Variants in DIP2C observed in about 807,000 individuals in gnomAD.
DIP2C encodes the protein disco-interacting protein 2 homolog C.
A neutral mutation model predicts 192.4 loss-of-function variants in DIP2C; 33 were observed. The observed-to-expected ratio is 0.17, with a 90% CI of 0.13 to 0.23. The LOEUF (loss-of-function observed/expected upper bound fraction) is 0.23, where lower values mean the gene tolerates loss of function less well. DIP2C is among the 10% of genes least tolerant of loss of function. The pLI, the probability that DIP2C is intolerant of heterozygous loss-of-function variation, is 1.00. For missense variants in DIP2C, 1,537 were observed against 2,110.1 expected, an observed-to-expected ratio of 0.73 and a Z score of 5.32; for synonymous variants, 979 against 864.1, an observed-to-expected ratio of 1.13 and a Z score of -2.33.
At chr10:582,716 GCCCTTGTGAGA>G (rs1021907810) in intron 1 of DIP2C, among the ~76,000 whole-genome samples, 2 of 152,192 alleles carry the variant, frequency 1.3e-5, no homozygotes, top group African/African-American at 4.8e-5. Context: ...AAGTGTTCAC[GCCCTTGTGAGA>G]CCCTGTGCTT....
At chr10:304,882 C>T (rs1956235300) in intron 32 of DIP2C, among the ~76,000 whole-genome samples, 1 of 151,994 alleles carries the variant, frequency 6.6e-6, no homozygotes, top group African/African-American at 2.4e-5. Context: ...GCAACACACA[C>T]ATGCACACTC....
chr10:578,365 TTTA>T (rs1258661335), intron 1 of DIP2C, among the ~76,000 whole-genome samples: 3 of 152,160 alleles, frequency 2.0e-5, no homozygotes, highest in African/African-American at 7.2e-5. Context: ...CGACTTCTCA[TTTA>T]TTGAGCTGAG....
chr10:313,548 G>A (rs549350282), intron 31 of DIP2C, among the ~76,000 whole-genome samples: 28 of 152,270 alleles, frequency 1.8e-4, no homozygotes, highest in African/African-American at 4.3e-4. Flanking sequence ...TATTTACACA[G>A]CATTTACATC....
chr10:606,066 C>G (rs867540773), intron 1 of DIP2C, among the ~76,000 whole-genome samples: 1 of 152,248 alleles, frequency 6.6e-6, no homozygotes, highest in African/African-American at 2.4e-5. Flanking sequence ...CGAGAACCCC[C>G]GGAGCCTGCG....
chr10:645,571 G>C (rs1187083464), intron 1 of DIP2C, among the ~76,000 whole-genome samples: 1 of 152,160 alleles, frequency 6.6e-6, no homozygotes, highest in African/African-American at 2.4e-5. Flanking sequence ...ATGACTTGAT[G>C]GTGGTATTAT....
rs138913022 is a variant in DIP2C at position 399,211 on chromosome 10, C to G, written c.1158G>C (p.Leu386=). The G allele has an allele frequency of 9.5e-4, 1,534 of 1,614,062 alleles. 3 individuals are homozygous for G. The African/African-American group carries it at 0.015, about 16-fold the overall frequency. Residue 386 remains leucine (L), a synonymous_variant, in exon 10 of 37, where the codon CTG becomes CTC. Coordinates refer to ENST00000280886, the MANE Select transcript of DIP2C (RefSeq NM_014974.3). ...CAGCCGGATCATTGTTGGGGAACAC[C>G]AGTGCCACCTGTGGGACAGGCCAGA... is the stretch of plus-strand genomic sequence containing the variant. ...PMVRPGDRVA[L]VFPNNDPAAF...
intron 7 of DIP2C, among the ~76,000 whole-genome samples, chr10:415,310 T>C (rs937221411): frequency 1.3e-5 from 2 of 152,138 alleles, no homozygotes; most frequent in East Asian, 3.8e-4. Flanking sequence ...TTGTGCTTTA[T>C]TTCAACTTTA....
In DIP2C at chr10:414,739, G is replaced by GTGTGTGTGTGTATATA; in HGVS notation, c.860-630_860-629insTATATACACACACACA. 2.7e-3 allele frequency among the ~76,000 whole-genome samples: 241 copies of GTGTGTGTGTGTATATA among 90,526 alleles called. 3 individuals carry two copies. Among genetic ancestry groups the GTGTGTGTGTGTATATA allele is most frequent in the Non-Finnish European group, 3.3e-3 (153 of 46,612 alleles). The allele number at this position is 90,526 out of a possible 152,430, so 59.4% of individuals were successfully genotyped here. A position where few individuals can be genotyped will look rare whatever the true frequency, so the allele number is the denominator to read the frequency against. ...TGTGTGTGTGTGTGTGTGTGTGTGT[G>GTGTGTGTGTGTATATA]TACATATATATATATATAATGTGTA... On this transcript the variant is annotated intron_variant, in intron 7 of 36. Coordinates refer to ENST00000280886, the MANE Select transcript of DIP2C (RefSeq NM_014974.3).
intron 16 of DIP2C, 135 bp downstream of exon 16, chr10:383,892 A>C: frequency 8.0e-7 from 1 of 1,257,562 alleles, no homozygotes; most frequent in Non-Finnish European, 1.0e-6. Flanking sequence ...GATTAGAAAA[A>C]GAAAAATCAA....
At chr10:325,279 A>C (rs1957225305) in intron 31 of DIP2C, among the ~76,000 whole-genome samples, 1 of 147,326 alleles carries the variant, frequency 6.8e-6, no homozygotes, top group Non-Finnish European at 1.5e-5. Flanking sequence ...ACAAACAAAC[A>C]AAAAAAAAAC....
chr10:391,356 G>A (rs1053238281), intron 10 of DIP2C, among the ~76,000 whole-genome samples: 2 of 152,260 alleles, frequency 1.3e-5, no homozygotes, highest in Non-Finnish European at 2.9e-5. Flanking sequence ...TCGGCCAGAG[G>A]AAGGAAGACC....
chr10:529,416 T>A (rs1847244832), intron 1 of DIP2C, among the ~76,000 whole-genome samples: 2 of 152,008 alleles, frequency 1.3e-5, no homozygotes, highest in Non-Finnish European at 2.9e-5. Context: ...CAACTAAATC[T>A]ATTCACCACG....
intron 1 of DIP2C, among the ~76,000 whole-genome samples, chr10:614,526 C>T (rs1853312183): frequency 1.3e-5 from 2 of 152,202 alleles, no homozygotes; most frequent in Admixed American, 1.3e-4. Context: ...AGCCAAGGTG[C>T]CCTCACCACA....
intron 1 of DIP2C, among the ~76,000 whole-genome samples, chr10:605,912 C>CA (rs1852425228): frequency 6.6e-6 from 1 of 152,214 alleles, no homozygotes; most frequent in Non-Finnish European, 1.5e-5. Flanking sequence ...TGCAGCCTTT[C>CA]AGGCCGTGCC....
chr10:357,315 T>G (rs1297852947), intron 23 of DIP2C, among the ~76,000 whole-genome samples: 4 of 152,064 alleles, frequency 2.6e-5, no homozygotes, highest in African/African-American at 9.7e-5. Flanking sequence ...CTAACCTGGG[T>G]TTTGAACTGC....
Position 438,437 on chromosome 10 carries a change from T to C in DIP2C, c.394+2434A>G, listed in dbSNP as rs1337917067. Among the ~76,000 whole-genome samples, 6 of 152,100 alleles carry C rather than the reference T, an allele frequency of 3.9e-5. No homozygotes were observed. The East Asian group carries it at 9.6e-4, about 24-fold the overall frequency. Reference sequence around the variant, plus strand: ...ACACAAAGAACACATACAAATAACATTTTTTTACCATAAGTTTTGGCAAAT... The same window carrying C: ...ACACAAAGAACACATACAAATAACACTTTTTTACCATAAGTTTTGGCAAAT... On this transcript the variant is annotated intron_variant, in intron 4 of 36. Coordinates refer to ENST00000280886, the MANE Select transcript of DIP2C (RefSeq NM_014974.3).
chr10:662,081 C>A (rs1431872487), intron 1 of DIP2C: 1 of 717,324 alleles, frequency 1.4e-6, no homozygotes, highest in Non-Finnish European at 2.6e-6. Flanking sequence ...AGGCACGATT[C>A]TCTCCGAAGC....
chr10:413,841 C>G, intron 8 of DIP2C, 72 bp downstream of exon 8: 1 of 1,549,852 alleles, frequency 6.5e-7, no homozygotes, highest in Non-Finnish European at 8.8e-7. Flanking sequence ...TAAACGGACA[C>G]TGAGTTTCCT....
chr10:618,148 T>G (rs59356518), intron 1 of DIP2C, among the ~76,000 whole-genome samples: 16 of 152,378 alleles, frequency 1.1e-4, no homozygotes, highest in African/African-American at 3.6e-4. Context: ...AACAGTTTGA[T>G]TCAATCATGT....
Sources: allele counts gnomAD v4.1 joint callset (sites outside exome capture counted in the v4.1 genomes callset), GRCh38; gene constraint gnomAD v4.1.1; transcripts MANE v1.5; gene names NCBI Gene and HGNC (gene_info 2026-07-23, HGNC 2026-07-21).